Variants in TAFA1 observed in about 807,000 individuals in gnomAD.
TAFA1 encodes the protein chemokine-like protein TAFA-1.
A neutral mutation model predicts 18.5 loss-of-function variants in TAFA1; 4 were observed. The observed-to-expected ratio is 0.22, with a 90% confidence interval of 0.11 to 0.49. The LOEUF is 0.49. Among genes scored for constraint, TAFA1 ranks in the 20% least tolerant of loss-of-function variants. The pLI is 0.98. For missense variants in TAFA1, 147 were observed against 169.0 expected (o/e 0.87, Z 0.72); for synonymous variants, 56 against 55.2 (o/e 1.01, Z -0.06).
intron 2 of TAFA1, among the ~76,000 whole-genome samples, chr3:68,260,671 A>C (rs1254526101): frequency 2.0e-5 from 3 of 152,184 alleles, no homozygotes; most frequent in Non-Finnish European, 4.4e-5. Context: ...AAATAGGGAA[A>C]GGATTCCCTA....
At position 68,041,547 on chromosome 3, in the gene TAFA1, GA is replaced by G. The variant is rs1705165289; in HGVS notation, c.118+34807del. On this transcript the variant is annotated intron_variant, in intron 2 of 4. Coordinates refer to ENST00000478136, the MANE Select transcript of TAFA1 (RefSeq NM_213609.4). ...GAAGTTTAGAAACTGAACCTGGGTT[GA>G]AAAGGTTTGGAAACTAATACTTTGC... Among the ~76,000 whole-genome samples the G allele has an allele frequency of 2.0e-5, 3 of 152,262 alleles. No individual in the cohort carries two copies. The South Asian group carries it at 6.2e-4, about 32-fold the overall frequency.
At chr3:68,022,363 T>C (rs1048396553) in intron 2 of TAFA1, among the ~76,000 whole-genome samples, 1 of 152,154 alleles carries the variant, frequency 6.6e-6, no homozygotes, top group African/African-American at 2.4e-5. Flanking sequence ...TTATATCCAG[T>C]GTTAGGTAAA....
intron 3 of TAFA1, among the ~76,000 whole-genome samples, chr3:68,490,405 A>AAAAT (rs36008272): frequency 0.23 from 34,897 of 152,042 alleles, 4,343 homozygotes; most frequent in Admixed American, 0.29. Flanking sequence ...ATACGAAAGA[A>AAAAT]AAATATCCAT....
chr3:68,035,525 G>T (rs1334881593), intron 2 of TAFA1, among the ~76,000 whole-genome samples: 1 of 151,920 alleles, frequency 6.6e-6, no homozygotes, highest in Non-Finnish European at 1.5e-5. Context: ...GATTAGAATG[G>T]CAAAAATAAA....
intron 2 of TAFA1, among the ~76,000 whole-genome samples, chr3:68,132,010 C>G (rs1181697783): frequency 2.6e-5 from 4 of 152,066 alleles, no homozygotes; most frequent in Admixed American, 6.5e-5. Context: ...GGTATTTCTC[C>G]TAATGCTATC....
intron 3 of TAFA1, among the ~76,000 whole-genome samples, chr3:68,487,144 T>A (rs1399159965): frequency 6.6e-6 from 1 of 152,214 alleles, no homozygotes; most frequent in Non-Finnish European, 1.5e-5. Flanking sequence ...TAAGAGAGAA[T>A]GTCAATTGTC....
chr3:68,267,146 G>A (rs886573805), intron 2 of TAFA1, among the ~76,000 whole-genome samples: 1 of 152,116 alleles, frequency 6.6e-6, no homozygotes, highest in African/African-American at 2.4e-5. Flanking sequence ...TGGTCTATAG[G>A]AACACACAGA....
At chr3:68,505,473 T>C (rs1045240256) in intron 3 of TAFA1, among the ~76,000 whole-genome samples, 7 of 152,246 alleles carry the variant, frequency 4.6e-5, no homozygotes, top group African/African-American at 1.7e-4. Context: ...CAATGCACAT[T>C]AGTAACTCAA....
chr3:68,189,601 A>C (rs2066313523), intron 2 of TAFA1, among the ~76,000 whole-genome samples: 1 of 151,816 alleles, frequency 6.6e-6, no homozygotes, highest in South Asian at 2.1e-4. Flanking sequence ...ACTGGTACTC[A>C]GTCAAGAAAG....
intron 2 of TAFA1, among the ~76,000 whole-genome samples, chr3:68,186,970 G>C (rs1436157335): frequency 6.6e-6 from 1 of 151,108 alleles, no homozygotes; most frequent in Non-Finnish European, 1.5e-5. Context: ...AATGTGTGAA[G>C]TTTGTGGGAA....
intron 2 of TAFA1, among the ~76,000 whole-genome samples, chr3:68,277,498 GA>G (rs541181227): frequency 4.0e-5 from 6 of 149,924 alleles, no homozygotes; most frequent in South Asian, 2.1e-4. Flanking sequence ...AAAGCCAAAG[GA>G]AAAAAAAAGG....
chr3:68,404,001 C>A (rs909328567), intron 2 of TAFA1, among the ~76,000 whole-genome samples: 1 of 152,206 alleles, frequency 6.6e-6, no homozygotes, highest in Non-Finnish European at 1.5e-5. Context: ...CTAATAATAG[C>A]AACAGCATCA....
intron 2 of TAFA1, among the ~76,000 whole-genome samples, chr3:68,251,945 C>T (rs779685362): frequency 3.3e-5 from 5 of 152,190 alleles, no homozygotes; most frequent in South Asian, 2.1e-4. Context: ...GCCCCATCAT[C>T]GGGACTCACA....
intron 2 of TAFA1, among the ~76,000 whole-genome samples, chr3:68,132,072 T>C (rs541016731): frequency 6.6e-6 from 1 of 152,242 alleles, no homozygotes; most frequent in East Asian, 1.9e-4. Flanking sequence ...GATGTTCCTC[T>C]CTCTGTGTCC....
chr3:68,109,854 G>A (rs946727272), intron 2 of TAFA1, among the ~76,000 whole-genome samples: 3 of 152,326 alleles, frequency 2.0e-5, no homozygotes, highest in Admixed American at 6.5e-5. Context: ...GAAGTCTGAT[G>A]TTAGAAAAAC....
chr3:68,522,086 A>G (rs1019215727), intron 3 of TAFA1, among the ~76,000 whole-genome samples: 2 of 151,888 alleles, frequency 1.3e-5, no homozygotes, highest in African/African-American at 2.4e-5. Flanking sequence ...GCTTCAAGCA[A>G]TCCTCCCACC....
At chr3:68,324,397 C>T (rs958056530) in intron 2 of TAFA1, among the ~76,000 whole-genome samples, 19 of 152,080 alleles carry the variant, frequency 1.2e-4, no homozygotes, top group African/African-American at 4.6e-4. Flanking sequence ...TATGTCAGGA[C>T]AGCCAAAAAG....
intron 2 of TAFA1, among the ~76,000 whole-genome samples, chr3:68,290,397 A>G (rs1415824563): frequency 1.3e-5 from 2 of 152,136 alleles, no homozygotes; most frequent in African/African-American, 4.8e-5. Context: ...ACATCTGTCT[A>G]TTTCTGTAAT....
At chr3:68,098,077 A>G (rs190933406) in intron 2 of TAFA1, among the ~76,000 whole-genome samples, 6 of 152,292 alleles carry the variant, frequency 3.9e-5, no homozygotes, top group Admixed American at 6.5e-5. Context: ...ACCTGTAGCT[A>G]CTGTTGACTG....
Sources: allele counts gnomAD v4.1 joint callset (sites outside exome capture counted in the v4.1 genomes callset), GRCh38; gene constraint gnomAD v4.1.1; transcripts MANE v1.5; gene names NCBI Gene and HGNC (gene_info 2026-07-23, HGNC 2026-07-21).